Variants in PRKN observed in about 807,000 individuals in gnomAD.
PRKN encodes parkin RBR E3 ubiquitin protein ligase.
A neutral mutation model predicts 59.5 loss-of-function variants in PRKN; 56 were observed. The observed-to-expected ratio is 0.94, with a 90% confidence interval of 0.76 to 1.18. The LOEUF (loss-of-function observed/expected upper bound fraction) is 1.18, where lower values mean the gene tolerates loss of function less well. PRKN is among the 50% of genes most tolerant of loss of function. The pLI is 0.00. For synonymous variants in PRKN, 250 were observed against 222.1 expected (o/e 1.13, Z -1.12); for missense variants, 657 against 596.4 (o/e 1.10, Z -1.06).
rs1351575296 is a variant in PRKN at position 161,732,651 on chromosome 6, G to C, written c.871+53121C>G. ...TAAAAGTGAGAACATGCAACATTTG[G>C]TTTTCTGTTGCTGTGTTAGTTTGCT... On this transcript the variant is annotated intron_variant, in intron 7 of 11. Coordinates refer to ENST00000366898, the MANE Select transcript of PRKN (RefSeq NM_004562.3). Among the ~76,000 whole-genome samples, 3 of 152,054 alleles carry C rather than the reference G, an allele frequency of 2.0e-5. No individual in the cohort carries two copies. The East Asian group carries it at 5.8e-4, about 29-fold the overall frequency.
At chr6:162,024,824 A>T (rs1193956483) in intron 5 of PRKN, among the ~76,000 whole-genome samples, 2 of 152,190 alleles carry the variant, frequency 1.3e-5, no homozygotes, top group Non-Finnish European at 2.9e-5. Context: ...AAACAAAGAG[A>T]AAGCAGTCTT....
At chr6:161,611,887 G>T (rs141190694) in intron 7 of PRKN, among the ~76,000 whole-genome samples, 2 of 152,292 alleles carry the variant, frequency 1.3e-5, no homozygotes, top group African/African-American at 4.8e-5. Flanking sequence ...AGCTATTGAA[G>T]GACATTTAAA....
At chr6:161,856,244 C>A (rs1472489366) in intron 6 of PRKN, among the ~76,000 whole-genome samples, 1 of 152,056 alleles carries the variant, frequency 6.6e-6, no homozygotes, top group Non-Finnish European at 1.5e-5. Flanking sequence ...CCTGTAATCC[C>A]AGCTGCTCGG....
intron 6 of PRKN, among the ~76,000 whole-genome samples, chr6:161,856,727 C>G (rs35378660): frequency 6.6e-6 from 1 of 151,922 alleles, no homozygotes; most frequent in East Asian, 1.9e-4. Context: ...TATTTTGTTT[C>G]TTTTAGGTGC....
chr6:161,399,729 T>C lies in PRKN; in HGVS notation c.1084-12852A>G, dbSNP rs1379480762. Among the ~76,000 whole-genome samples, 2 of 152,180 alleles carry C rather than the reference T, an allele frequency of 1.3e-5. No homozygotes were observed. The highest frequency in any genetic ancestry group is 6.5e-5 in the Admixed American group (1 of 15,280). The stretch of plus-strand genomic sequence containing the variant: ...AGTGCTAGGGATGATGCCAGCATTC[T>C]AGTGTAATTCACTCTGCTAGTGTAA... On this transcript the variant is annotated intron_variant, in intron 9 of 11. Coordinates refer to ENST00000366898, the MANE Select transcript of PRKN (RefSeq NM_004562.3). This position sits in a 1 kb window ranked among gnomAD's most constrained non-coding sequence, Gnocchi z 4.4.
chr6:162,014,098 G>A (rs1782839919), intron 5 of PRKN, among the ~76,000 whole-genome samples: 1 of 152,082 alleles, frequency 6.6e-6, no homozygotes, highest in Non-Finnish European at 1.5e-5. Flanking sequence ...CTCCCATTCA[G>A]TTCCTACTCA....
intron 6 of PRKN, among the ~76,000 whole-genome samples, chr6:161,874,873 A>C (rs1794634193): frequency 9.9e-6 from 1 of 101,038 alleles, no homozygotes; most frequent in Non-Finnish European, 1.8e-5. Flanking sequence ...AAAATGTAAA[A>C]TATAAAATAT....
intron 1 of PRKN, among the ~76,000 whole-genome samples, chr6:162,553,637 C>G (rs1404072431): frequency 6.7e-6 from 1 of 149,838 alleles, no homozygotes; most frequent in Non-Finnish European, 1.5e-5. Flanking sequence ...TCAGGAAGTG[C>G]AATAAAAAGC....
At chr6:162,450,115 A>C (rs1332820602) in intron 1 of PRKN, among the ~76,000 whole-genome samples, 3 of 152,112 alleles carry the variant, frequency 2.0e-5, no homozygotes, top group Admixed American at 6.6e-5. Flanking sequence ...GAGAAACCCA[A>C]ATTTCTATCT....
chr6:161,416,896 G>T (rs551913065), intron 9 of PRKN, among the ~76,000 whole-genome samples: 67 of 152,294 alleles, frequency 4.4e-4, no homozygotes, highest in Non-Finnish European at 9.0e-4. Flanking sequence ...ACCCAGGAGA[G>T]AGGTCAGAAT....
At chr6:162,289,159 C>T (rs1781319796) in intron 2 of PRKN, among the ~76,000 whole-genome samples, 1 of 152,136 alleles carries the variant, frequency 6.6e-6, no homozygotes, top group South Asian at 2.1e-4. Flanking sequence ...GGGCTGGTTC[C>T]TTCTGAGGGC....
chr6:162,322,645 G>A (rs1783080385), intron 2 of PRKN, among the ~76,000 whole-genome samples: 1 of 152,052 alleles, frequency 6.6e-6, no homozygotes, highest in South Asian at 2.1e-4. Context: ...TGACCATTGA[G>A]CTTTTGACCA....
intron 5 of PRKN, among the ~76,000 whole-genome samples, chr6:162,015,673 T>C (rs1012919480): frequency 2.0e-5 from 3 of 152,162 alleles, no homozygotes; most frequent in Admixed American, 6.5e-5. Flanking sequence ...ATGTACTCTA[T>C]AGCATTCCAG....
At chr6:162,090,568 T>C (rs997854425) in intron 4 of PRKN, among the ~76,000 whole-genome samples, 4 of 152,356 alleles carry the variant, frequency 2.6e-5, no homozygotes, top group African/African-American at 9.6e-5. Context: ...TCTTATGGTC[T>C]AGTGATTTTC....
rs1163954323 is a variant in PRKN at position 161,503,145 on chromosome 6, C to A, written c.1083+45709G>T. ...AGCAGGTGTGTATTATAAAGGCAAA[C>A]TGATCTCCCATGTAGAGGGAGGAGA... On this transcript the variant is annotated intron_variant, in intron 9 of 11. Coordinates refer to ENST00000366898, the MANE Select transcript of PRKN (RefSeq NM_004562.3). This position sits in a 1 kb window ranked among gnomAD's most constrained non-coding sequence, Gnocchi z 5.1. Among the ~76,000 whole-genome samples, 1 of 152,076 alleles carries A rather than the reference C, an allele frequency of 6.6e-6. No individual in the cohort carries two copies. The highest frequency in any genetic ancestry group is 2.4e-5 in the African/African-American group (1 of 41,412).
intron 5 of PRKN, among the ~76,000 whole-genome samples, chr6:162,018,306 G>A (rs926361717): frequency 2.6e-5 from 4 of 152,154 alleles, no homozygotes; most frequent in South Asian, 2.1e-4. Flanking sequence ...GATTACAGGC[G>A]TGAGCCACCG....
chr6:161,789,347 G>A (rs6923635), intron 6 of PRKN, among the ~76,000 whole-genome samples: 2,453 of 152,118 alleles, frequency 0.016, 66 homozygotes, highest in African/African-American at 0.056. Flanking sequence ...TTTCATCCTC[G>A]TAAAATAAAC....
In PRKN at chr6:162,226,097, TAA is replaced by T. The variant is rs57963776; in HGVS notation, c.413-24847_413-24846del. Among the ~76,000 whole-genome samples the T allele has an allele frequency of 1.5e-4, 9 of 60,640 alleles. No individual in the cohort carries two copies. The South Asian group carries it at 3.7e-3, about 25-fold the overall frequency. 39.8% of individuals were successfully genotyped at this position (60,640 alleles called of 152,430 possible). A position where few individuals can be genotyped will look rare whatever the true frequency, so the allele number is the denominator to read the frequency against. ...ATAATAATAATAATAATAATAATAA[TAA>T]AATTAGATCAAACTGGGCAGGTTAG... On this transcript the variant is annotated intron_variant, in intron 3 of 11. Coordinates refer to ENST00000366898, the MANE Select transcript of PRKN (RefSeq NM_004562.3).
In PRKN at chr6:161,430,952, G is replaced by A. The variant is rs186854143; in HGVS notation, c.1084-44075C>T. Among the ~76,000 whole-genome samples, 7 of 151,402 alleles carry A rather than the reference G, an allele frequency of 4.6e-5. No individual in the cohort carries two copies. In the East Asian group the frequency reaches 7.8e-4, roughly 17 times the overall value. On this transcript the variant is annotated intron_variant, in intron 9 of 11. Coordinates refer to ENST00000366898, the MANE Select transcript of PRKN (RefSeq NM_004562.3). ...GAAGTTCGAGACCAGCCTGGCCAAC[G>A]TGGTGAAACCCTGTCTCTACTAAAA...
Sources: gnomAD v4.1 joint callset for allele counts (sites outside exome capture counted in the v4.1 genomes callset) on GRCh38, gnomAD v4.1.1 for gene constraint, Gnocchi (gnomAD v3.1) non-coding constraint, MANE v1.5 for transcripts, NCBI Gene and HGNC (gene_info 2026-07-23, HGNC 2026-07-21) for gene names.